The following BFAR variants were observed in gnomAD, a reference collection of about 807,000 sequenced individuals.
BFAR encodes bifunctional apoptosis regulator.
In BFAR, 52 loss-of-function variants were observed where a neutral mutation model predicts 54.4. That is an observed-to-expected ratio of 0.96 (90% confidence interval 0.77 to 1.21). The LOEUF (loss-of-function observed/expected upper bound fraction) is 1.21, where lower values mean the gene tolerates loss of function less well. Among genes scored for constraint, BFAR ranks in the 50% most tolerant of loss-of-function variants. The probability of loss-of-function intolerance (pLI) is 0.00; values close to 1 mark genes in which losing one functional copy is unlikely to be tolerated. For missense variants in BFAR, 571 were observed against 534.0 expected, an observed-to-expected ratio of 1.07 and a Z score of -0.68; for synonymous variants, 215 against 204.3, an observed-to-expected ratio of 1.05 and a Z score of -0.45.
chr16:14,639,830 A>C (rs1376716707), intron 1 of BFAR, among the ~76,000 whole-genome samples: 1 of 152,216 alleles, frequency 6.6e-6, no homozygotes, highest in East Asian at 1.9e-4. Context: ...TTGTGCCAAC[A>C]ATGATAAGTA....
rs972413272 is a variant in BFAR at position 14,654,258 on chromosome 16, G to A, written c.639-808G>A. Among the ~76,000 whole-genome samples the A allele has an allele frequency of 4.0e-5, 6 of 151,750 alleles. No homozygotes were observed. The East Asian group carries it at 5.8e-4, about 15-fold the overall frequency. ...GATCTCCTGACCTCGTGATCTGCCC[G>A]CCTCGGCCTCCCAAAGTGCGAACTA... is the stretch of plus-strand genomic sequence containing the variant. On this transcript the variant is annotated intron_variant, in intron 4 of 7. Coordinates refer to ENST00000261658, the MANE Select transcript of BFAR (RefSeq NM_016561.3).
chr16:14,635,396 C>G (rs142572700), intron 1 of BFAR, among the ~76,000 whole-genome samples: 2 of 152,016 alleles, frequency 1.3e-5, no homozygotes, highest in East Asian at 3.9e-4. Context: ...AACTTGGTAA[C>G]TACCCATAGT....
At position 14,667,669 on chromosome 16, in the gene BFAR, A is replaced by G. The variant is rs2151846392; in HGVS notation, c.1195A>G (p.Lys399Glu). The change falls in exon 8 of 8, where the codon AAA (lysine) becomes GAA (glutamate). Residue 399 changes from lysine to glutamate, a missense_variant. Coordinates refer to ENST00000261658, the MANE Select transcript of BFAR (RefSeq NM_016561.3). Reference sequence around the variant, plus strand: ...TCAGAGGATGTGGAGCCATTTCTGGAAAGTATCAACGCAGGGGCTTTTTGT... The same window carrying G: ...TCAGAGGATGTGGAGCCATTTCTGGGAAGTATCAACGCAGGGGCTTTTTGT... ...VPQRMWSHFW[K>E]VSTQGLFVAM... 1.2e-6 allele frequency: 2 copies of G among 1,614,088 alleles called. No homozygotes were observed. Among genetic ancestry groups the G allele is most frequent in the East Asian group, 2.2e-5 (1 of 44,886 alleles).
At chr16:14,652,204 A>T (rs1164322955) in intron 4 of BFAR, among the ~76,000 whole-genome samples, 2 of 151,500 alleles carry the variant, frequency 1.3e-5, no homozygotes, top group Non-Finnish European at 2.9e-5. Flanking sequence ...TCTAACACAG[A>T]TTGGAATAAG....
In BFAR at chr16:14,641,494, T is replaced by C. The variant is rs140601784; in HGVS notation, c.-73-2780T>C. The stretch of plus-strand genomic sequence containing the variant: ...TGAACCCAGGAGGCGGAGCTTGCAG[T>C]GAGTGGAGATCGCGCCCCTGCACTC... On this transcript the variant is annotated intron_variant, in intron 1 of 7. Coordinates refer to ENST00000261658, the MANE Select transcript of BFAR (RefSeq NM_016561.3). Among the ~76,000 whole-genome samples, 605 of 149,484 alleles carry C rather than the reference T, an allele frequency of 4.0e-3. 6 individuals carry two copies. Among genetic ancestry groups the C allele is most frequent in the African/African-American group, 0.014 (566 of 40,472 alleles).
chr16:14,660,171 G>A (rs1236884644), intron 5 of BFAR, among the ~76,000 whole-genome samples: 1 of 152,118 alleles, frequency 6.6e-6, no homozygotes, highest in East Asian at 1.9e-4. Context: ...ACTGGACACT[G>A]GGGATTTAAT....
Position 14,649,909 on chromosome 16 carries a change from G to C in BFAR, c.574G>C (p.Glu192Gln). The C allele has an allele frequency of 6.2e-7, 1 of 1,613,764 alleles. No individual in the cohort carries two copies. Among genetic ancestry groups the C allele is most frequent in the Non-Finnish European group, 8.5e-7 (1 of 1,179,834 alleles). The change falls in exon 4 of 8, where the codon GAG (glutamate) becomes CAG (glutamine). Residue 192 changes from glutamate to glutamine, a missense_variant. Glu to Gln is a conservative substitution (Grantham distance 29). Coordinates refer to ENST00000261658, the MANE Select transcript of BFAR (RefSeq NM_016561.3). ...WTAEEVVLWL[E>Q]QLGPWASLYR... is the part of the protein sequence containing the mutation. ...GGCGGAAGAAGTTGTCCTCTGGCTG[G>C]AGCAGCTGGGCCCTTGGGCATCTCT...
intron 4 of BFAR, among the ~76,000 whole-genome samples, chr16:14,651,043 T>C (rs1959953210): frequency 6.6e-6 from 1 of 152,208 alleles, no homozygotes; most frequent in Non-Finnish European, 1.5e-5. Context: ...TGACCAAATA[T>C]GTGGGGTTCT....
Position 14,668,835 on chromosome 16 carries a change from T to TA in BFAR, c.*1024dup, listed in dbSNP as rs528596737. On this transcript the variant is annotated 3_prime_UTR_variant, in exon 8 of 8. Coordinates refer to ENST00000261658, the MANE Select transcript of BFAR (RefSeq NM_016561.3). ...TGGGTGACAGAGGGAGACTCTGTCT[T>TA]AAAAAAAAAAAAAAAATCATCTGTA... 2,971 of 158,158 alleles carry TA rather than the reference T, an allele frequency of 0.019. 33 individuals are homozygous for TA. Among genetic ancestry groups the TA allele is most frequent in the African/African-American group, 0.042 (1,611 of 38,592 alleles). The allele number at this position is 158,158 out of a possible 1,614,324, so 9.8% of individuals were successfully genotyped here.
intron 1 of BFAR, among the ~76,000 whole-genome samples, chr16:14,641,997 T>C (rs1388312105): frequency 1.3e-5 from 2 of 152,204 alleles, no homozygotes; most frequent in Non-Finnish European, 2.9e-5. Flanking sequence ...AGTGCTGTCA[T>C]TGTCCCTCAT....
Position 14,644,584 on chromosome 16 carries a change from T to C in BFAR, c.238T>C (p.Phe80Leu). 2 of 1,613,874 alleles carry C rather than the reference T, an allele frequency of 1.2e-6. No homozygotes were observed. The highest frequency in any genetic ancestry group is 1.7e-6 in the Non-Finnish European group (2 of 1,179,998). The change falls in exon 2 of 8, where the codon TTC (phenylalanine) becomes CTC (leucine). Residue 80 changes from phenylalanine to leucine, a missense_variant. By Grantham distance (22) the Phe-to-Leu change is conservative. Coordinates refer to ENST00000261658, the MANE Select transcript of BFAR (RefSeq NM_016561.3). ...CPECREKWEG[F>L]PKVSILLRDA... ...AGAATGCAGAGAAAAATGGGAAGGT[T>C]TCCCCAAAGTCAGTATTCTCCTCAG...
chr16:14,645,790 C>CT lies in BFAR; in HGVS notation c.263+1187dup, dbSNP rs1315836044. 2.0e-5 allele frequency among the ~76,000 whole-genome samples: 3 copies of CT among 152,254 alleles called. No homozygotes were observed. The East Asian group carries it at 5.8e-4, about 29-fold the overall frequency. On this transcript the variant is annotated intron_variant, in intron 2 of 7. Coordinates refer to ENST00000261658, the MANE Select transcript of BFAR (RefSeq NM_016561.3). ...CAGTTGGTCTTATTACTGAATTTTGCTTTTTTCCCTTCTTATAAACTGATT... is the reference window on the plus strand; with the variant it reads ...CAGTTGGTCTTATTACTGAATTTTGCTTTTTTTCCCTTCTTATAAACTGATT...
intron 1 of BFAR, among the ~76,000 whole-genome samples, chr16:14,640,025 C>CAGG (rs1555513602): frequency 1.3e-5 from 2 of 151,818 alleles, no homozygotes; most frequent in Non-Finnish European, 2.9e-5. Context: ...GTGGCGCACA[C>CAGG]CTGTAGTCCA....
At chr16:14,638,866 AT>A (rs1959534561) in intron 1 of BFAR, among the ~76,000 whole-genome samples, 1 of 151,978 alleles carries the variant, frequency 6.6e-6, no homozygotes. Flanking sequence ...AATTGCTTGA[AT>A]CCAGGAGGCG....
At chr16:14,639,409 ATGATTATCCTGCCTCAACCTCC>A (rs1219055029) in intron 1 of BFAR, among the ~76,000 whole-genome samples, 13 of 151,878 alleles carry the variant, frequency 8.6e-5, no homozygotes, top group Admixed American at 8.5e-4. Flanking sequence ...CTGGGTGCAA[ATGATTATCCTGCCTCAACCTCC>A]TGAGTAGCTG....
At chr16:14,644,226 C>A in intron 1 of BFAR, 48 bp from the exon 2 acceptor site, 3 of 1,039,672 alleles carry the variant, frequency 2.9e-6, no homozygotes, top group Non-Finnish European at 4.2e-6. Flanking sequence ...AACTGCTCTT[C>A]AAACAACTAC....
At chr16:14,661,825 G>T in intron 5 of BFAR, 67 bp from the exon 6 acceptor site, 1 of 1,549,222 alleles carries the variant, frequency 6.5e-7, no homozygotes, top group South Asian at 1.1e-5. Context: ...CGAGAGATGG[G>T]AAGGAGCGTG....
chr16:14,663,498 A>AT (rs1409804207), intron 6 of BFAR, among the ~76,000 whole-genome samples: 1 of 151,802 alleles, frequency 6.6e-6, no homozygotes, highest in Non-Finnish European at 1.5e-5. Flanking sequence ...CACCCGGCTA[A>AT]TTTTTTGTGT....
Position 14,661,964 on chromosome 16 carries a change from C to A in BFAR, c.856C>A (p.Leu286Met), listed in dbSNP as rs1385230099. Reference protein sequence around the residue: ...KSSPRLSLLYLYLFDYTDTFL... With the variant: ...KSSPRLSLLYMYLFDYTDTFL... ...CTCCCCCAGGCTGAGTCTGCTCTACCTGTACCTGTTTGACTACACCGACAC... is the reference window on the plus strand; with the variant it reads ...CTCCCCCAGGCTGAGTCTGCTCTACATGTACCTGTTTGACTACACCGACAC... Residue 286 changes from leucine to methionine, a missense_variant, in exon 6 of 8, where the codon CTG becomes ATG. Transcript: ENST00000261658. 1.9e-6 allele frequency: 3 copies of A among 1,614,080 alleles called. No individual in the cohort carries two copies. In the African/African-American group the frequency reaches 4.0e-5, roughly 22 times the overall value.
Sources: gnomAD v4.1 joint callset for allele counts (sites outside exome capture counted in the v4.1 genomes callset) on GRCh38, gnomAD v4.1.1 for gene constraint, MANE v1.5 for transcripts, NCBI Gene and HGNC (gene_info 2026-07-23, HGNC 2026-07-21) for gene names.